The following ASAP2 variants were observed in gnomAD, a reference collection of about 807,000 sequenced individuals.
The protein encoded by ASAP2 is ArfGAP with SH3 domain, ankyrin repeat and PH domain 2.
Under a neutral mutation model 131.4 loss-of-function variants are expected in ASAP2, and 45 were observed. The ratio of observed to expected loss-of-function variants is 0.34; its 90% CI spans 0.27 to 0.44. The LOEUF (loss-of-function observed/expected upper bound fraction) is 0.44. Ranked by LOEUF, ASAP2 falls within the 20% of genes least tolerant of loss-of-function variation. ASAP2 has a pLI of 1.00. For missense variants in ASAP2, 1,011 were observed against 1,297.0 expected, an observed-to-expected ratio of 0.78 and a Z score of 3.39; for synonymous variants, 510 against 503.0, an observed-to-expected ratio of 1.01 and a Z score of -0.19.
Position 9,391,098 on chromosome 2 carries a change from CA to C in ASAP2, c.2423del (p.Asn808ThrfsTer3). 6.2e-7 allele frequency: 1 copy of C among 1,614,278 alleles called. No homozygotes were observed. The highest frequency in any genetic ancestry group is 8.5e-7 in the Non-Finnish European group (1 of 1,180,062). The part of the protein sequence containing the change: ...TASSANTLWK[T>X]NSVSVDGGSR... ...TCCTCTGCTAACACCCTGTGGAAGA[CA>C]AACTCTGTAAGTGTGGACGGTGGAA... On this transcript the variant is annotated frameshift_variant, in exon 23 of 28. Coordinates refer to ENST00000281419, the MANE Select transcript of ASAP2 (RefSeq NM_003887.3). LOFTEE classifies it high-confidence loss of function.
intron 1 of ASAP2, among the ~76,000 whole-genome samples, chr2:9,250,476 G>A (rs1321630249): frequency 6.6e-6 from 1 of 152,210 alleles, no homozygotes; most frequent in African/African-American, 2.4e-5. Context: ...TGGGAATTGG[G>A]ACCCCAGATC....
chr2:9,344,432 TAAAA>T (rs79044067), intron 9 of ASAP2, 96 bp from the exon 10 acceptor site: 979,297 of 1,010,168 alleles, frequency 0.97, 477,560 homozygotes, highest in Non-Finnish European at 1. Context: ...TTGTTGTTGT[TAAAA>T]AAAAAACACA....
At chr2:9,254,673 C>T (rs2148160987) in intron 1 of ASAP2, among the ~76,000 whole-genome samples, 1 of 151,122 alleles carries the variant, frequency 6.6e-6, no homozygotes, top group East Asian at 1.9e-4. Context: ...CGTCCCCGGC[C>T]TATAAACTAA....
chr2:9,315,179 G>A (rs1385529144), intron 3 of ASAP2, among the ~76,000 whole-genome samples: 2 of 152,208 alleles, frequency 1.3e-5, no homozygotes, highest in Non-Finnish European at 2.9e-5. Flanking sequence ...AGGATGGATT[G>A]TGGAGAGTGT....
intron 3 of ASAP2, among the ~76,000 whole-genome samples, chr2:9,298,899 C>T (rs749817234): frequency 6.6e-5 from 10 of 151,974 alleles, no homozygotes; most frequent in East Asian, 1.9e-4. Context: ...GAAAAATGAA[C>T]GTACGGGAAG....
chr2:9,398,413 A>C (rs1306476990), intron 24 of ASAP2, among the ~76,000 whole-genome samples: 1 of 152,142 alleles, frequency 6.6e-6, no homozygotes. Context: ...CAGGAGGCTG[A>C]AGCGGGAGGA....
intron 9 of ASAP2, among the ~76,000 whole-genome samples, chr2:9,343,602 A>G (rs4312451): frequency 0.012 from 1,849 of 152,212 alleles, 33 homozygotes; most frequent in African/African-American, 0.043. Context: ...GCCTGCCACC[A>G]TACCTAGCTA....
At chr2:9,387,213 CAA>C (rs60187435) in intron 21 of ASAP2, among the ~76,000 whole-genome samples, 6 of 95,260 alleles carry the variant, frequency 6.3e-5, no homozygotes, top group African/African-American at 5.0e-5. Context: ...GACTCTGTCT[CAA>C]AAAAAAAAAA....
rs772917147 is a variant in ASAP2 at position 9,356,169 on chromosome 2, G to GT, written c.1161-5dup. The GT allele has an allele frequency of 6.2e-6, 10 of 1,613,924 alleles. No individual in the cohort carries two copies. Among genetic ancestry groups the GT allele is most frequent in the African/African-American group, 1.3e-5 (1 of 74,932 alleles). On this transcript the variant is annotated splice_polypyrimidine_tract_variant and intron_variant, in intron 13 of 27. Transcript: ENST00000281419. Reference sequence around the variant, plus strand: ...TGGAATTTAACACAGCGTTGCTCTTGTTTTTCTAGATGGATGTCTGTGCTG... The same window carrying GT: ...TGGAATTTAACACAGCGTTGCTCTTGTTTTTTCTAGATGGATGTCTGTGCTG...
intron 1 of ASAP2, among the ~76,000 whole-genome samples, chr2:9,251,309 G>A (rs922366497): frequency 3.9e-5 from 6 of 152,092 alleles, no homozygotes; most frequent in African/African-American, 1.4e-4. Flanking sequence ...ATTTGACTTC[G>A]TCCCACTCCT....
chr2:9,227,878 G>A (rs1226845468), intron 1 of ASAP2, among the ~76,000 whole-genome samples: 1 of 152,168 alleles, frequency 6.6e-6, no homozygotes, highest in African/African-American at 2.4e-5. Context: ...ACTTTCTTTG[G>A]AAATGACTAG....
At chr2:9,210,577 T>C (rs55952263) in intron 1 of ASAP2, among the ~76,000 whole-genome samples, 36,697 of 151,288 alleles carry the variant, frequency 0.24, 4,764 homozygotes, top group Non-Finnish European at 0.29. Flanking sequence ...TTTTTTGAGA[T>C]GGAGTCTCGC....
chr2:9,401,610 CCT>C (rs376063524), intron 27 of ASAP2, among the ~76,000 whole-genome samples: 331 of 152,322 alleles, frequency 2.2e-3, no homozygotes, highest in Middle Eastern at 6.8e-3. Flanking sequence ...GGCTTCCTCC[CCT>C]GTTAGGGTGC....
chr2:9,207,097 C>T lies in ASAP2; in HGVS notation c.-8C>T. On this transcript the variant is annotated 5_prime_UTR_variant, in exon 1 of 28. Coordinates refer to ENST00000281419, the MANE Select transcript of ASAP2 (RefSeq NM_003887.3). This position sits in a 1 kb window ranked among gnomAD's most constrained non-coding sequence, Gnocchi z 4.1. ...GCGGCTGTGCGCCAGCGCCCTCGCGCCGAGGCGATGCCGGACCAGATCTCC... is the reference window on the plus strand; with the variant it reads ...GCGGCTGTGCGCCAGCGCCCTCGCGTCGAGGCGATGCCGGACCAGATCTCC... The T allele has an allele frequency of 6.4e-7, 1 of 1,573,746 alleles. No homozygotes were observed. Among genetic ancestry groups the T allele is most frequent in the Non-Finnish European group, 8.6e-7 (1 of 1,161,036 alleles).
intron 16 of ASAP2, among the ~76,000 whole-genome samples, chr2:9,372,192 CA>C (rs1328443587): frequency 1.3e-5 from 2 of 152,184 alleles, no homozygotes; most frequent in East Asian, 3.8e-4. Context: ...GACAACTGTC[CA>C]GTCTAACTGC....
intron 9 of ASAP2, among the ~76,000 whole-genome samples, chr2:9,343,414 C>T (rs536056393): frequency 6.6e-6 from 1 of 152,266 alleles, no homozygotes; most frequent in African/African-American, 2.4e-5. Context: ...GCCTCCTACT[C>T]TCAACTCAGA....
intron 2 of ASAP2, among the ~76,000 whole-genome samples, chr2:9,284,159 C>A (rs1572350415): frequency 6.6e-6 from 1 of 152,212 alleles, no homozygotes; most frequent in African/African-American, 2.4e-5. Context: ...AGTAGCATAA[C>A]GTACTCACAA....
rs1315007550 is a variant in ASAP2 at position 9,207,852 on chromosome 2, G to C, written c.126+622G>C. 6.6e-6 allele frequency among the ~76,000 whole-genome samples: 1 copy of C among 152,134 alleles called. No individual in the cohort carries two copies. The highest frequency in any genetic ancestry group is 1.5e-5 in the Non-Finnish European group (1 of 68,012). ...AAGAAGCCTCCAGGAGCCGCTCCCC[G>C]GTTACCTGGGTCTCACCTGCTTGAA... On this transcript the variant is annotated intron_variant, in intron 1 of 27. Coordinates refer to ENST00000281419, the MANE Select transcript of ASAP2 (RefSeq NM_003887.3). This position sits in a 1 kb window ranked among gnomAD's most constrained non-coding sequence, Gnocchi z 4.1.
At chr2:9,335,834 A>G (rs1017439536) in intron 9 of ASAP2, among the ~76,000 whole-genome samples, 1 of 152,248 alleles carries the variant, frequency 6.6e-6, no homozygotes, top group Non-Finnish European at 1.5e-5. Flanking sequence ...CATAATGTGA[A>G]TTTAGTATAA....
Sources: allele counts gnomAD v4.1 joint callset (sites outside exome capture counted in the v4.1 genomes callset), GRCh38; gene constraint gnomAD v4.1.1; non-coding constraint Gnocchi (gnomAD v3.1); transcripts MANE v1.5; gene names NCBI Gene and HGNC (gene_info 2026-07-23, HGNC 2026-07-21).